The following AHNAK variants were observed in gnomAD, a reference collection of about 807,000 sequenced individuals.
AHNAK encodes the protein neuroblast differentiation-associated protein AHNAK.
AHNAK carries 23 observed loss-of-function variants against 37.8 expected under a neutral mutation model. That is an observed-to-expected ratio of 0.61 (90% CI 0.44 to 0.86). AHNAK has a LOEUF of 0.86. Ranked by LOEUF, AHNAK falls within the 40% of genes least tolerant of loss-of-function variation. The pLI is 0.00. For missense variants in AHNAK, 7,411 were observed against 7,319.4 expected (o/e 1.01, Z -0.46); for synonymous variants, 2,481 against 2,636.3 (o/e 0.94, Z 1.80).
rs375616961 is a variant in AHNAK at position 62,523,180 on chromosome 11, G to A, written c.11237C>T (p.Ser3746Leu). 8.7e-6 allele frequency: 14 copies of A among 1,613,164 alleles called. No individual in the cohort carries two copies. Among genetic ancestry groups the A allele is most frequent in the South Asian group, 5.5e-5 (5 of 91,036 alleles). The change falls in exon 5 of 5, where the codon TCG (serine) becomes TTG (leucine). Residue 3746 changes from serine (S) to leucine (L), a missense_variant. By Grantham distance (145) the Ser-to-Leu change is moderately radical (BLOSUM62 -2). Transcript: ENST00000378024. ...PEMHLKAPKI[S>L]MPDIDLNLKG... is the part of the protein sequence containing the mutation. ...CAGGTTTAAATCAATGTCAGGCATC[G>A]ATATTTTGGGAGCCTTCAGGTGCAT...
At chr11:62,450,589 A>AC (rs1213602118) in intron 5 of AHNAK, among the ~76,000 whole-genome samples, 2 of 152,218 alleles carry the variant, frequency 1.3e-5, no homozygotes, top group Non-Finnish European at 2.9e-5. Flanking sequence ...CAGCCCATGC[A>AC]AACTACAGCT....
At chr11:62,462,445 C>T (rs1172012143) in intron 5 of AHNAK, among the ~76,000 whole-genome samples, 2 of 152,160 alleles carry the variant, frequency 1.3e-5, no homozygotes, top group Non-Finnish European at 2.9e-5. Flanking sequence ...AGGCAACGTT[C>T]CTTTGCCACA....
At chr11:62,536,959 A>T (rs186525336) in intron 1 of AHNAK, among the ~76,000 whole-genome samples, 4,011 of 144,828 alleles carry the variant, frequency 0.028, 107 homozygotes, top group Admixed American at 0.048. Flanking sequence ...TATTTTATTT[A>T]TTTTTTTTTT....
chr11:62,494,481 T>C lies in AHNAK; in HGVS notation c.343-2650A>G, dbSNP rs182362236. Among the ~76,000 whole-genome samples, 756 of 152,138 alleles carry C rather than the reference T, an allele frequency of 5.0e-3. 6 individuals are homozygous for C. The highest frequency in any genetic ancestry group is 7.7e-3 in the Non-Finnish European group (522 of 68,026). ...TTATGTCAACTCCTTACATCAACTC[T>C]GGAGACAAGTACTACTACTACCCCG... is the stretch of plus-strand genomic sequence containing the variant. On this transcript the variant is annotated intron_variant, in intron 4 of 5. Coordinates refer to the AHNAK transcript ENST00000257247.
Position 62,530,084 on chromosome 11 carries a change from T to C in AHNAK, c.4333A>G (p.Ser1445Gly), listed in dbSNP as rs549159290. 6.2e-7 allele frequency: 1 copy of C among 1,613,914 alleles called. No homozygotes were observed. The highest frequency in any genetic ancestry group is 1.3e-5 in the African/African-American group (1 of 74,912). Residue 1445 changes from serine to glycine, a missense_variant, in exon 5 of 5, where the codon AGT (serine) becomes GGT (glycine). Transcript: ENST00000378024. ...ATGGATATCTTCTGAGGCTTTATAC[T>C]CATTTCTGGCATCTTGAATTTGGGA... Reference protein sequence around the residue: ...KGPKFKMPEMSIKPQKISIPD... With the variant: ...KGPKFKMPEMGIKPQKISIPD...
chr11:62,529,589 C>G lies in AHNAK; in HGVS notation c.4828G>C (p.Gly1610Arg), dbSNP rs769733996. ...SLPKVEGDLK[G>R]PEIDVKAPKM... ...GGGGCTTTCACATCAATTTCAGGACCCTTCAAGTCTCCTTCCACTTTGGGA... is the reference window on the plus strand; with the variant it reads ...GGGGCTTTCACATCAATTTCAGGACGCTTCAAGTCTCCTTCCACTTTGGGA... The change falls in exon 5 of 5, where the codon GGT (glycine) becomes CGT (arginine). Residue 1610 changes from glycine to arginine, a missense_variant. Transcript: ENST00000378024. 3.5e-5 allele frequency: 56 copies of G among 1,613,998 alleles called. No individual in the cohort carries two copies. Among genetic ancestry groups the G allele is most frequent in the Admixed American group, 5.0e-5 (3 of 59,986 alleles).
chr11:62,478,196 G>T (rs1304845965), intron 5 of AHNAK, among the ~76,000 whole-genome samples: 1 of 152,162 alleles, frequency 6.6e-6, no homozygotes, highest in African/African-American at 2.4e-5. Context: ...AGCAGATCTG[G>T]TCAGGTCTGG....
chr11:62,534,586 A>G (rs552564264), intron 4 of AHNAK, among the ~76,000 whole-genome samples: 176 of 152,324 alleles, frequency 1.2e-3, no homozygotes, highest in Non-Finnish European at 2.0e-3. Context: ...AGAAGGACCA[A>G]TGTCCCCACA....
intron 1 of AHNAK, among the ~76,000 whole-genome samples, chr11:62,537,705 C>T (rs544125883): frequency 3.9e-4 from 58 of 148,468 alleles, no homozygotes; most frequent in African/African-American, 1.2e-3. Flanking sequence ...TTTTTTGAGA[C>T]GGAATCTCAC....
intron 5 of AHNAK, among the ~76,000 whole-genome samples, chr11:62,464,021 G>A (rs1222667723): frequency 1.3e-5 from 2 of 151,416 alleles, no homozygotes; most frequent in Non-Finnish European, 2.9e-5. Context: ...GCCCGCCTCA[G>A]CCTCCCAAAG....
In AHNAK at chr11:62,532,745, C is replaced by T; in HGVS notation, c.1672G>A (p.Gly558Ser). ...LEGTLTGPRLGSPSGKTGTCR... is the reference protein window; with the variant it reads ...LEGTLTGPRLSSPSGKTGTCR... ...GTTCCGGTTTTCCCGGAAGGACTGCCAAGCCTAGGGCCTGTCAAGGTTCCC... is the reference window on the plus strand; with the variant it reads ...GTTCCGGTTTTCCCGGAAGGACTGCTAAGCCTAGGGCCTGTCAAGGTTCCC... Residue 558 changes from glycine (G) to serine (S), a missense_variant, in exon 5 of 5, where the codon GGC becomes AGC. Gly to Ser is a moderately conservative substitution (Grantham distance 56). Transcript: ENST00000378024. 6.2e-7 allele frequency: 1 copy of T among 1,614,058 alleles called. No individual in the cohort carries two copies. The highest frequency in any genetic ancestry group is 8.5e-7 in the Non-Finnish European group (1 of 1,179,998).
At position 62,526,809 on chromosome 11, in the gene AHNAK, C is replaced by T. The variant is rs1440364563; in HGVS notation, c.7608G>A (p.Lys2536=). 6.2e-7 allele frequency: 1 copy of T among 1,613,456 alleles called. No homozygotes were observed. The highest frequency in any genetic ancestry group is 8.5e-7 in the Non-Finnish European group (1 of 1,179,934). The part of the protein sequence containing the change: ...EGPEVDVNLP[K]ADVDISGPKV... ...TGGGTCCTGAGATGTCAACGTCAGC[C>T]TTAGGCAAGTTGACGTCTACTTCAG... The change falls in exon 5 of 5, where the codon AAG becomes AAA. Residue 2536 remains lysine (K), a synonymous_variant. Transcript: ENST00000378024.
rs756131197 is a variant in AHNAK at position 62,531,582 on chromosome 11, C to A, written c.2835G>T (p.Lys945Asn). 1.2e-6 allele frequency: 2 copies of A among 1,614,070 alleles called. No homozygotes were observed. The highest frequency in any genetic ancestry group is 1.1e-5 in the South Asian group (1 of 91,078). Residue 945 changes from lysine (K) to asparagine (N), a missense_variant, in exon 5 of 5, where the codon AAG (lysine) becomes AAT (asparagine). Lys to Asn is a moderately conservative substitution (Grantham distance 94). Transcript: ENST00000378024. ...KMPEMNIKAP[K>N]ISMPDVDLHM... ...GCAAGTCCACATCAGGCATGGAGAT[C>A]TTGGGGGCCTTGATATTCATCTCTG...
At chr11:62,505,837 C>G (rs1483275145) in intron 4 of AHNAK, among the ~76,000 whole-genome samples, 2 of 151,328 alleles carry the variant, frequency 1.3e-5, no homozygotes, top group Admixed American at 1.3e-4. Flanking sequence ...CGTTTCCCCC[C>G]TTAGTTTTCT....
chr11:62,433,994 C>T, intron 5 of AHNAK: 2 of 1,430,218 alleles, frequency 1.4e-6, no homozygotes, highest in South Asian at 2.5e-5. Context: ...AAAGAAGGTC[C>T]CCCCACTCCT....
Position 62,473,390 on chromosome 11 carries a change from A to G in AHNAK, c.442+18342T>C, listed in dbSNP as rs1299213124. Among the ~76,000 whole-genome samples, 3 of 2,304 alleles carry G rather than the reference A, an allele frequency of 1.3e-3. No individual in the cohort carries two copies. In the Admixed American group the frequency reaches 0.024, roughly 18 times the overall value. The allele number at this position is 2,304 out of a possible 152,430, so 1.5% of individuals were successfully genotyped here. On this transcript the variant is annotated intron_variant, in intron 5 of 5. Transcript: ENST00000257247. ...GGGCAAAAGGTCGAGACTCCATCTA[A>G]AAAAAAAAAAAAAAAAAAAAAAAGG...
chr11:62,504,944 G>A (rs2134177085), intron 4 of AHNAK, among the ~76,000 whole-genome samples: 1 of 152,266 alleles, frequency 6.6e-6, no homozygotes, highest in South Asian at 2.1e-4. Context: ...CCATCCCTCA[G>A]GGTCTAAAAG....
At chr11:62,545,868 CG>C (rs1941291806) in intron 1 of AHNAK, 1 of 151,814 alleles carries the variant, frequency 6.6e-6, no homozygotes, top group Non-Finnish European at 1.5e-5. Flanking sequence ...GGGAGTTGGG[CG>C]GGGGGAAAGC....
chr11:62,527,426 C>T lies in AHNAK; in HGVS notation c.6991G>A (p.Asp2331Asn). 1 of 1,614,188 alleles carries T rather than the reference C, an allele frequency of 6.2e-7. No individual in the cohort carries two copies. The highest frequency in any genetic ancestry group is 8.5e-7 in the Non-Finnish European group (1 of 1,180,038). ...LKGPKIKGDV[D>N]VSAPKLEGEL... ...CCCTCCAGCTTTGGGGCAGAAACAT[C>T]AACATCTCCTTTGATTTTGGGTCCC... is the stretch of plus-strand genomic sequence containing the variant. Residue 2331 changes from aspartate to asparagine, a missense_variant, in exon 5 of 5, where the codon GAT (aspartate) becomes AAT (asparagine). Coordinates refer to ENST00000378024, the MANE Select transcript of AHNAK (RefSeq NM_001620.3).
Sources: gnomAD v4.1 joint callset for allele counts (sites outside exome capture counted in the v4.1 genomes callset) on GRCh38, gnomAD v4.1.1 for gene constraint, MANE v1.5 for transcripts, NCBI Gene and HGNC (gene_info 2026-07-23, HGNC 2026-07-21) for gene names.